FSHR: variants seen among roughly 807,000 people sequenced by gnomAD.
FSHR encodes follicle-stimulating hormone receptor.
FSHR carries 46 observed loss-of-function variants against 52.1 expected under a neutral mutation model. That is an observed-to-expected ratio of 0.88 (90% CI 0.70 to 1.13). The LOEUF is 1.13. Ranked by LOEUF, FSHR falls within the 50% of genes most tolerant of loss-of-function variation. The pLI is 0.00. For missense variants in FSHR, 964 were observed against 834.6 expected, an observed-to-expected ratio of 1.16 and a Z score of -1.91; for synonymous variants, 399 against 309.6, an observed-to-expected ratio of 1.29 and a Z score of -3.03.
At chr2:48,976,337 G>C (rs1161398803) in intron 8 of FSHR, among the ~76,000 whole-genome samples, 1 of 152,192 alleles carries the variant, frequency 6.6e-6, no homozygotes, top group Non-Finnish European at 1.5e-5. Context: ...GGATGAAGCT[G>C]ACTTGATCGT....
chr2:49,050,674 T>C (rs575825338), intron 2 of FSHR, among the ~76,000 whole-genome samples: 1 of 152,298 alleles, frequency 6.6e-6, no homozygotes, highest in East Asian at 1.9e-4. Context: ...TCCCTGTCTA[T>C]ACAGTGTGAG....
chr2:49,050,501 C>A (rs1207097944), intron 2 of FSHR, among the ~76,000 whole-genome samples: 1 of 152,122 alleles, frequency 6.6e-6, no homozygotes, highest in African/African-American at 2.4e-5. Flanking sequence ...TCCTGTCAAT[C>A]CCTCTTTTAC....
Position 49,088,340 on chromosome 2 carries a change from C to T in FSHR, c.153-20050G>A, listed in dbSNP as rs539081910. Among the ~76,000 whole-genome samples, 14 of 152,158 alleles carry T rather than the reference C, an allele frequency of 9.2e-5. 1 individual carries two copies. The South Asian group carries it at 1.7e-3, about 18-fold the overall frequency. On this transcript the variant is annotated intron_variant, in intron 1 of 9. Coordinates refer to ENST00000406846, the MANE Select transcript of FSHR (RefSeq NM_000145.4). ...AATTTAAAAAAAGACAGCAGTCATGCGAGGTTGTGCTGGGACTTTGAGGAA... is the reference window on the plus strand; with the variant it reads ...AATTTAAAAAAAGACAGCAGTCATGTGAGGTTGTGCTGGGACTTTGAGGAA...
intron 2 of FSHR, among the ~76,000 whole-genome samples, chr2:49,021,596 G>A (rs955131357): frequency 1.3e-5 from 2 of 151,732 alleles, no homozygotes. Flanking sequence ...ACTGTGAGCA[G>A]CAGCAGTCTG....
chr2:48,997,122 G>T, intron 4 of FSHR: 2 of 627,968 alleles, frequency 3.2e-6, no homozygotes, highest in Non-Finnish European at 4.0e-6. Flanking sequence ...AAGGTTTAGA[G>T]ACCCTGGGTT....
chr2:49,055,647 A>G (rs1284226300), intron 2 of FSHR, among the ~76,000 whole-genome samples: 2 of 151,884 alleles, frequency 1.3e-5, no homozygotes, highest in African/African-American at 4.8e-5. Flanking sequence ...GCAAACTTCT[A>G]AAAACAGGAA....
intron 2 of FSHR, among the ~76,000 whole-genome samples, chr2:49,021,350 G>A (rs946612730): frequency 1.3e-5 from 2 of 152,138 alleles, no homozygotes; most frequent in African/African-American, 4.8e-5. Context: ...TTTATAAAGT[G>A]TCTCACAGAT....
intron 1 of FSHR, among the ~76,000 whole-genome samples, chr2:49,111,233 C>T (rs1671411076): frequency 6.6e-6 from 1 of 152,152 alleles, no homozygotes; most frequent in Non-Finnish European, 1.5e-5. Context: ...TATAACCAGG[C>T]ATTACTTTAT....
At chr2:49,048,425 A>C (rs1252138930) in intron 2 of FSHR, among the ~76,000 whole-genome samples, 1 of 152,152 alleles carries the variant, frequency 6.6e-6, no homozygotes, top group East Asian at 1.9e-4. Flanking sequence ...GCTTTCGAGG[A>C]ATATGGGAAG....
chr2:48,968,407 C>T (rs1674573708), intron 9 of FSHR, among the ~76,000 whole-genome samples: 1 of 152,224 alleles, frequency 6.6e-6, no homozygotes, highest in South Asian at 2.1e-4. Flanking sequence ...AGATATTATG[C>T]ACCAACTCTG....
chr2:48,993,751 G>T (rs10190280), intron 4 of FSHR, among the ~76,000 whole-genome samples: 3 of 152,076 alleles, frequency 2.0e-5, no homozygotes, highest in South Asian at 4.2e-4. Context: ...CTTTCTTTCA[G>T]TTCCTCAGCT....
intron 1 of FSHR, among the ~76,000 whole-genome samples, chr2:49,114,679 A>G (rs537401354): frequency 6.6e-6 from 1 of 152,298 alleles, no homozygotes; most frequent in Admixed American, 6.5e-5. Flanking sequence ...TAGTAAAGAC[A>G]ATAGCAACAA....
intron 4 of FSHR, among the ~76,000 whole-genome samples, chr2:49,001,535 A>G (rs890552377): frequency 4.6e-5 from 7 of 152,156 alleles, no homozygotes; most frequent in Non-Finnish European, 8.8e-5. Flanking sequence ...TTAAACTACC[A>G]ATTTGTGGCA....
chr2:49,135,525 A>G (rs1000315924), intron 1 of FSHR, among the ~76,000 whole-genome samples: 1 of 152,206 alleles, frequency 6.6e-6, no homozygotes, highest in African/African-American at 2.4e-5. Context: ...TTTCAAATTA[A>G]TAACCCAACC....
At chr2:49,152,129 T>C (rs928428870) in intron 1 of FSHR, among the ~76,000 whole-genome samples, 1 of 152,160 alleles carries the variant, frequency 6.6e-6, no homozygotes, top group Admixed American at 6.6e-5. Flanking sequence ...TACTCATTCC[T>C]TAGGTGGAGG....
chr2:49,130,092 A>G (rs1464798197), intron 1 of FSHR, among the ~76,000 whole-genome samples: 1 of 152,210 alleles, frequency 6.6e-6, no homozygotes, highest in Non-Finnish European at 1.5e-5. Context: ...TCCTGGGTTC[A>G]AATCCTGGAT....
chr2:49,138,491 C>A (rs750414738), intron 1 of FSHR, among the ~76,000 whole-genome samples: 2 of 152,096 alleles, frequency 1.3e-5, no homozygotes, highest in Non-Finnish European at 2.9e-5. Context: ...CGAAATGTGG[C>A]ATATCCATAC....
intron 1 of FSHR, among the ~76,000 whole-genome samples, chr2:49,149,766 T>C (rs1406450140): frequency 2.0e-5 from 3 of 151,860 alleles, no homozygotes; most frequent in African/African-American, 7.3e-5. Flanking sequence ...AAATAAGGAA[T>C]GTAAGCCAAA....
chr2:48,999,397 AT>A (rs1676159491), intron 4 of FSHR, among the ~76,000 whole-genome samples: 1 of 151,954 alleles, frequency 6.6e-6, no homozygotes, highest in Non-Finnish European at 1.5e-5. Flanking sequence ...TTGAATTTAG[AT>A]TTTTCTTAAT....
Sources: gnomAD v4.1 joint callset for allele counts (sites outside exome capture counted in the v4.1 genomes callset) on GRCh38, gnomAD v4.1.1 for gene constraint, MANE v1.5 for transcripts, NCBI Gene and HGNC (gene_info 2026-07-23, HGNC 2026-07-21) for gene names.